TARS1: variants seen among roughly 807,000 people sequenced by gnomAD.
TARS1 encodes the protein threonine--tRNA ligase 1, cytoplasmic.
TARS1 carries 57 observed loss-of-function variants against 97.7 expected under a neutral mutation model. That is an observed-to-expected ratio of 0.58 (90% CI 0.47 to 0.73). TARS1 has a LOEUF of 0.73. TARS1 is among the 30% of genes least tolerant of loss of function. The pLI, the probability that TARS1 is intolerant of heterozygous loss-of-function variation, is 0.00. For missense variants in TARS1, 806 were observed against 888.3 expected (o/e 0.91, Z 1.18); for synonymous variants, 312 against 293.7 (o/e 1.06, Z -0.64).
intron 3 of TARS1, among the ~76,000 whole-genome samples, chr5:33,449,175 T>C (rs1295674901): frequency 6.6e-6 from 1 of 152,038 alleles, no homozygotes. Context: ...AAAACTTTTA[T>C]TGGGGTGGGA....
chr5:33,445,537 C>A, intron 2 of TARS1, 133 bp downstream of exon 2: 1 of 659,208 alleles, frequency 1.5e-6, no homozygotes, highest in Non-Finnish European at 2.5e-6. Context: ...TTGGAAAAAT[C>A]AGGAAGAAGA....
At chr5:33,452,928 G>T (rs1010624137) in intron 3 of TARS1, among the ~76,000 whole-genome samples, 2 of 151,332 alleles carry the variant, frequency 1.3e-5, no homozygotes, top group African/African-American at 4.9e-5. Context: ...GCCAGCCTGC[G>T]CAACATAGCA....
intron 4 of TARS1, among the ~76,000 whole-genome samples, chr5:33,454,195 A>G (rs1741898806): frequency 2.0e-5 from 3 of 152,188 alleles, no homozygotes; most frequent in Admixed American, 2.0e-4. Flanking sequence ...TTTCTTTTTA[A>G]TTCTCCATGG....
At position 33,455,055 on chromosome 5, in the gene TARS1, C is replaced by A; in HGVS notation, c.564C>A (p.Tyr188Ter). 1 of 1,613,412 alleles carries A rather than the reference C, an allele frequency of 6.2e-7. No individual in the cohort carries two copies. Among genetic ancestry groups the A allele is most frequent in the African/African-American group, 1.3e-5 (1 of 74,886 alleles). ...PIENGFYYDMYLEEGGVSSND... is the reference protein window; with the variant it reads ...PIENGFYYDM ...AAAATGGATTCTATTATGACATGTA[C>A]CTCGAAGAAGGGTAAGCCATCAACT... The change falls in exon 5 of 19, where the codon TAC becomes TAA. Residue 188 changes from tyrosine (Y) to a stop codon, truncating the protein, a stop_gained. Coordinates refer to ENST00000265112, the MANE Select transcript of TARS1 (RefSeq NM_152295.5). LOFTEE classifies it high-confidence loss of function.
chr5:33,455,086 A>C lies in TARS1; in HGVS notation c.575+20A>C. On this transcript the variant is annotated intron_variant, in intron 5 of 18. Coordinates refer to ENST00000265112, the MANE Select transcript of TARS1 (RefSeq NM_152295.5). ...AGAAGGGTAAGCCATCAACTAGATA[A>C]AGAAAACTGAAGTCAATGACTATGG... The C allele has an allele frequency of 6.2e-7, 1 of 1,612,264 alleles. No individual in the cohort carries two copies. Among genetic ancestry groups the C allele is most frequent in the South Asian group, 1.1e-5 (1 of 90,918 alleles).
intron 1 of TARS1, 21 bp downstream of exon 1, chr5:33,441,164 C>G (rs369729758): frequency 2.0e-5 from 32 of 1,613,948 alleles, no homozygotes; most frequent in Non-Finnish European, 2.5e-5. Flanking sequence ...TTGGTGGGAC[C>G]CAGAGACCAG....
chr5:33,444,210 C>G (rs1394523248), intron 1 of TARS1, among the ~76,000 whole-genome samples: 10 of 152,110 alleles, frequency 6.6e-5, no homozygotes, highest in African/African-American at 2.4e-4. Context: ...ATAGGCAAAT[C>G]TATAGAAACA....
intron 9 of TARS1, among the ~76,000 whole-genome samples, chr5:33,458,171 C>G (rs1004566224): frequency 6.6e-6 from 1 of 152,110 alleles, no homozygotes; most frequent in Non-Finnish European, 1.5e-5. Flanking sequence ...AGTCTCCTTC[C>G]TGATACTCTT....
Position 33,458,525 on chromosome 5 carries a change from C to T in TARS1, c.985-41C>T, listed in dbSNP as rs538191402. On this transcript the variant is annotated intron_variant, in intron 9 of 18. Coordinates refer to ENST00000265112, the MANE Select transcript of TARS1 (RefSeq NM_152295.5). ...TTATGTATATATACACACACGTATACGTGACGTACATAAACATTCTTTTGC... is the reference window on the plus strand; with the variant it reads ...TTATGTATATATACACACACGTATATGTGACGTACATAAACATTCTTTTGC... The T allele has an allele frequency of 2.3e-5, 36 of 1,538,102 alleles. No homozygotes were observed. In the East Asian group the frequency reaches 3.4e-4, roughly 14 times the overall value.
In TARS1 at chr5:33,448,622, G is replaced by A; in HGVS notation, c.220G>A (p.Glu74Lys). Residue 74 changes from glutamate (E) to lysine (K), a missense_variant, in exon 3 of 19, where the codon GAA becomes AAA. By Grantham distance (56) the Glu-to-Lys change is moderately conservative. Coordinates refer to ENST00000265112, the MANE Select transcript of TARS1 (RefSeq NM_152295.5). Reference sequence around the variant, plus strand: ...AGCAGAACATGATTCCATTCTGGCAGAAAAGGCAGAAAAAGATAGCAAGCC... The same window carrying A: ...AGCAGAACATGATTCCATTCTGGCAAAAAAGGCAGAAAAAGATAGCAAGCC... ...LKAEHDSILA[E>K]KAEKDSKPIK... 6.2e-7 allele frequency: 1 copy of A among 1,613,836 alleles called. No homozygotes were observed. Among genetic ancestry groups the A allele is most frequent in the Non-Finnish European group, 8.5e-7 (1 of 1,179,894 alleles).
At chr5:33,453,453 A>G (rs1741852790) in intron 4 of TARS1, 41 bp downstream of exon 4, 4 of 1,609,896 alleles carry the variant, frequency 2.5e-6, no homozygotes, top group Non-Finnish European at 3.4e-6. Flanking sequence ...TAGGATGCAG[A>G]TTCACATTTG....
chr5:33,455,532 G>A (rs1215173531), intron 5 of TARS1, 55 bp from the exon 6 acceptor site: 81 of 1,179,528 alleles, frequency 6.9e-5, no homozygotes, highest in Admixed American at 9.4e-5. Context: ...AACATTTTTC[G>A]AAGCCATGGT....
intron 2 of TARS1, among the ~76,000 whole-genome samples, chr5:33,447,707 T>G (rs1173764977): frequency 6.6e-6 from 1 of 152,256 alleles, no homozygotes; most frequent in African/African-American, 2.4e-5. Flanking sequence ...TCTGATAGAT[T>G]GAAATTCATT....
chr5:33,461,155 A>G lies in TARS1; in HGVS notation c.1414-3A>G, dbSNP rs1742274336. ...GTTTCTTTTTTTGTTTTTTAATTTG[A>G]AGATTGAAGATGAAATAAAAGGTTG... is the stretch of plus-strand genomic sequence containing the variant. On this transcript the variant is annotated splice_polypyrimidine_tract_variant and splice_region_variant and intron_variant, in intron 12 of 18. Coordinates refer to ENST00000265112, the MANE Select transcript of TARS1 (RefSeq NM_152295.5). 1 of 1,602,070 alleles carries G rather than the reference A, an allele frequency of 6.2e-7. No homozygotes were observed. The highest frequency in any genetic ancestry group is 8.5e-7 in the Non-Finnish European group (1 of 1,174,792).
rs1022576465 is a variant in TARS1, at chr5:33,455,822, AT to A, written c.693+120del. 3.8e-5 allele frequency: 38 copies of A among 1,008,972 alleles called. No individual in the cohort carries two copies. In the African/African-American group the frequency reaches 6.0e-4, roughly 16 times the overall value. 62.5% of individuals were successfully genotyped at this position (1,008,972 alleles called of 1,614,324 possible). On this transcript the variant is annotated intron_variant, in intron 6 of 18. Transcript: ENST00000265112. ...AAGTCTAATTGGTTCTTTAGCAAAA[AT>A]TAAGTGTTTTTATTATTTTTTTAAT...
At chr5:33,448,866 C>G in intron 3 of TARS1, 135 bp downstream of exon 3, 1 of 712,368 alleles carries the variant, frequency 1.4e-6, no homozygotes, top group Non-Finnish European at 2.0e-6. Context: ...ATTTTGCCTA[C>G]TTGAGATTTT....
At chr5:33,456,117 C>A (rs1561074124) in intron 7 of TARS1, 32 bp from the exon 8 acceptor site, 1 of 1,613,046 alleles carries the variant, frequency 6.2e-7, no homozygotes. Flanking sequence ...GTCATTTTGT[C>A]TTTGTTAAAA....
In TARS1 at chr5:33,448,586, A is replaced by G. The variant is rs1357624319; in HGVS notation, c.184A>G (p.Asn62Asp). Reference protein sequence around the residue: ...EYIYTRLEMYNILKAEHDSIL... With the variant: ...EYIYTRLEMYDILKAEHDSIL... ...TATTTACACACGTCTTGAGATGTAT[A>G]ATATACTAAAAGCAGAACATGATTC... The change falls in exon 3 of 19, where the codon AAT (asparagine) becomes GAT (aspartate). Residue 62 changes from asparagine to aspartate, a missense_variant. By Grantham distance (23) the Asn-to-Asp change is conservative (BLOSUM62 1). Coordinates refer to ENST00000265112, the MANE Select transcript of TARS1 (RefSeq NM_152295.5). The G allele has an allele frequency of 3.7e-6, 6 of 1,612,722 alleles. No individual in the cohort carries two copies. Among genetic ancestry groups the G allele is most frequent in the Non-Finnish European group, 5.1e-6 (6 of 1,179,368 alleles).
At chr5:33,466,845 C>G (rs763859694) in intron 17 of TARS1, 26 bp from the exon 18 acceptor site, 2 of 1,520,564 alleles carry the variant, frequency 1.3e-6, no homozygotes, top group Non-Finnish European at 1.8e-6. Context: ...TTAGATCTGA[C>G]AAATTCTGTA....
Sources: allele counts gnomAD v4.1 joint callset (sites outside exome capture counted in the v4.1 genomes callset), GRCh38; gene constraint gnomAD v4.1.1; transcripts MANE v1.5; gene names NCBI Gene and HGNC (gene_info 2026-07-23, HGNC 2026-07-21).